Variants in PDCL2 observed in about 807,000 individuals in gnomAD.
PDCL2 encodes the protein phosducin-like protein 2.
A neutral mutation model predicts 30.3 loss-of-function variants in PDCL2; 23 were observed. That is an observed-to-expected ratio of 0.76 (90% CI 0.55 to 1.08). The LOEUF (loss-of-function observed/expected upper bound fraction) is 1.08, where lower values mean the gene tolerates loss of function less well. Ranked by LOEUF, PDCL2 falls within the 50% of genes least tolerant of loss-of-function variation. The pLI is 0.00. For missense variants in PDCL2, 243 were observed against 282.3 expected (o/e 0.86, Z 1.00); for synonymous variants, 68 against 86.2 (o/e 0.79, Z 1.17).
intron 3 of PDCL2, among the ~76,000 whole-genome samples, chr4:55,572,494 C>T (rs1383992270): frequency 6.6e-6 from 1 of 152,272 alleles, no homozygotes; most frequent in East Asian, 1.9e-4. Context: ...CTCTAGAAAC[C>T]TATCTCCTTA....
chr4:55,562,872 A>G (rs938273020), intron 4 of PDCL2, among the ~76,000 whole-genome samples: 3 of 151,236 alleles, frequency 2.0e-5, no homozygotes, highest in African/African-American at 7.3e-5. Flanking sequence ...ACTACATTCA[A>G]CTGAGCATCA....
chr4:55,589,649 C>A (rs2412663), intron 1 of PDCL2, among the ~76,000 whole-genome samples: 47,889 of 152,080 alleles, frequency 0.31, 7,799 homozygotes, highest in Middle Eastern at 0.42. Flanking sequence ...GGTTCCACCT[C>A]AAATAATTTT....
At chr4:55,560,643 A>G (rs1732107790) in intron 5 of PDCL2, among the ~76,000 whole-genome samples, 1 of 152,146 alleles carries the variant, frequency 6.6e-6, no homozygotes, top group Non-Finnish European at 1.5e-5. Context: ...AAGCATAAAC[A>G]AATGTTCACA....
At chr4:55,566,840 T>C (rs1732282007) in intron 4 of PDCL2, among the ~76,000 whole-genome samples, 1 of 152,182 alleles carries the variant, frequency 6.6e-6, no homozygotes, top group African/African-American at 2.4e-5. Context: ...CACATCCTTC[T>C]TTTTGAGTCT....
At chr4:55,578,952 T>C (rs1280934110) in intron 3 of PDCL2, among the ~76,000 whole-genome samples, 1 of 152,218 alleles carries the variant, frequency 6.6e-6, no homozygotes, top group Non-Finnish European at 1.5e-5. Context: ...GATTTTTCTA[T>C]TTCTCTAATT....
chr4:55,579,592 C>T (rs539301614), intron 3 of PDCL2, among the ~76,000 whole-genome samples: 2 of 152,206 alleles, frequency 1.3e-5, no homozygotes, highest in Non-Finnish European at 2.9e-5. Flanking sequence ...GCTGGAATTA[C>T]AGGTGTGGGT....
At chr4:55,570,598 A>G (rs1311878538) in intron 3 of PDCL2, among the ~76,000 whole-genome samples, 1 of 152,074 alleles carries the variant, frequency 6.6e-6, no homozygotes, top group East Asian at 2.0e-4. Flanking sequence ...GATTACTGGG[A>G]AAAAAATGAA....
rs759551931 is a variant in PDCL2, at chr4:55,562,533, T to C, written c.442A>G (p.Ile148Val). ...TAGTGTTGAATACAGCTATTCACGA[T>C]GGCTTTAACAAATTTAGTTTCTGGA... ...KFPETKFVKA[I>V]VNSCIQHYHD... The change falls in exon 5 of 6, where the codon ATC (isoleucine) becomes GTC (valine). Residue 148 changes from isoleucine to valine, a missense_variant. By Grantham distance (29) the Ile-to-Val change is conservative (BLOSUM62 3). Transcript: ENST00000295645. 1.2e-6 allele frequency: 2 copies of C among 1,605,794 alleles called. No homozygotes were observed. Among genetic ancestry groups the C allele is most frequent in the African/African-American group, 1.3e-5 (1 of 74,674 alleles).
intron 5 of PDCL2, among the ~76,000 whole-genome samples, chr4:55,559,546 C>T (rs1732071021): frequency 6.6e-6 from 1 of 152,054 alleles, no homozygotes; most frequent in African/African-American, 2.4e-5. Flanking sequence ...TTAATTATTC[C>T]TTCTATTTCT....
chr4:55,591,329 A>C lies in PDCL2; in HGVS notation c.6+775T>G, dbSNP rs114684226. On this transcript the variant is annotated intron_variant, in intron 1 of 5. Transcript: ENST00000295645. ...GGACGGCACAGGCTTCTGATTAATA[A>C]GGAACCATTAGACAGAGGAGGAGCC... 6.6e-3 allele frequency among the ~76,000 whole-genome samples: 997 copies of C among 151,840 alleles called. 9 individuals are homozygous for C. Among genetic ancestry groups the C allele is most frequent in the African/African-American group, 0.023 (947 of 41,460 alleles).
chr4:55,585,888 G>C (rs1732852624), intron 1 of PDCL2, among the ~76,000 whole-genome samples: 1 of 151,976 alleles, frequency 6.6e-6, no homozygotes, highest in South Asian at 2.1e-4. Flanking sequence ...TCAGCTGTAA[G>C]GCCTCCTCTT....
chr4:55,567,199 T>C (rs1179323327), intron 4 of PDCL2, among the ~76,000 whole-genome samples: 1 of 152,208 alleles, frequency 6.6e-6, no homozygotes, highest in African/African-American at 2.4e-5. Flanking sequence ...CTCTGAAGAA[T>C]GCAAGTCCTT....
chr4:55,564,049 T>C (rs1414208394), intron 4 of PDCL2, among the ~76,000 whole-genome samples: 1 of 152,186 alleles, frequency 6.6e-6, no homozygotes, highest in African/African-American at 2.4e-5. Flanking sequence ...GTTACTTCAG[T>C]TTTGCTGGCT....
Position 55,580,885 on chromosome 4 carries a change from CA to C in PDCL2, c.153del (p.Ala52HisfsTer3). ...TCATCTTCAGCTTCCTTTAGCTGTG[CA>C]AGAGTCATCTTTTCAAATGGTTTCA... ...AMVKPFEKMT[L>X]AQLKEAEDEF... is the part of the protein sequence containing the mutation. On this transcript the variant is annotated frameshift_variant, in exon 3 of 6. Transcript: ENST00000295645. LOFTEE classifies it high-confidence loss of function. 1 of 1,602,806 alleles carries C rather than the reference CA, an allele frequency of 6.2e-7. No homozygotes were observed. Among genetic ancestry groups the C allele is most frequent in the East Asian group, 2.2e-5 (1 of 44,604 alleles).
At chr4:55,584,549 G>C (rs527383614) in intron 1 of PDCL2, among the ~76,000 whole-genome samples, 7 of 152,066 alleles carry the variant, frequency 4.6e-5, no homozygotes, top group African/African-American at 1.7e-4. Flanking sequence ...GAGCCACCAT[G>C]CCTGGCCAGA....
chr4:55,590,875 A>G lies in PDCL2; in HGVS notation c.6+1229T>C, dbSNP rs1732981438. On this transcript the variant is annotated intron_variant, in intron 1 of 5. Coordinates refer to ENST00000295645, the MANE Select transcript of PDCL2 (RefSeq NM_152401.3). ...GGCATTTACCATGCCATTAATAGTT[A>G]TATCTGTCTTCTTCTTGTTCCCTCA... Among the ~76,000 whole-genome samples, 8 of 152,336 alleles carry G rather than the reference A, an allele frequency of 5.3e-5. 1 individual carries two copies. In the South Asian group the frequency reaches 1.5e-3, roughly 28 times the overall value.
At chr4:55,580,947 TA>T (rs751757407) in intron 2 of PDCL2, 36 bp from the exon 3 acceptor site, 4 of 1,518,994 alleles carry the variant, frequency 2.6e-6, no homozygotes, top group East Asian at 2.4e-5. Context: ...TCAAATTGTT[TA>T]AAAATTTTTT....
chr4:55,577,130 G>A (rs530127274), intron 3 of PDCL2, among the ~76,000 whole-genome samples: 5 of 152,284 alleles, frequency 3.3e-5, no homozygotes, highest in African/African-American at 1.2e-4. Context: ...TCCTGACTCA[G>A]GTGATCCGCC....
At chr4:55,584,484 T>C (rs1217412978) in intron 1 of PDCL2, among the ~76,000 whole-genome samples, 1 of 152,178 alleles carries the variant, frequency 6.6e-6, no homozygotes, top group Admixed American at 6.5e-5. Flanking sequence ...CTCGAACTCC[T>C]GGCTGCAAGT....
Sources: gnomAD v4.1 joint callset for allele counts (sites outside exome capture counted in the v4.1 genomes callset) on GRCh38, gnomAD v4.1.1 for gene constraint, MANE v1.5 for transcripts, NCBI Gene and HGNC (gene_info 2026-07-23, HGNC 2026-07-21) for gene names.